Variants in CNTN4 observed in about 807,000 individuals in gnomAD.
CNTN4 encodes the protein contactin 4.
Under a neutral mutation model 122.5 loss-of-function variants are expected in CNTN4, and 77 were observed. The ratio of observed to expected loss-of-function variants is 0.63; its 90% CI spans 0.52 to 0.76. The LOEUF (loss-of-function observed/expected upper bound fraction) is 0.76, where lower values mean the gene tolerates loss of function less well. Ranked by LOEUF, CNTN4 falls within the 30% of genes least tolerant of loss-of-function variation. CNTN4 has a pLI of 0.00. For synonymous variants in CNTN4, 512 were observed against 447.0 expected (o/e 1.15, Z -1.83); for missense variants, 1,256 against 1,259.1 (o/e 1.00, Z 0.04).
At chr3:2,606,091 T>C (rs2081246059) in intron 4 of CNTN4, among the ~76,000 whole-genome samples, 1 of 151,930 alleles carries the variant, frequency 6.6e-6, no homozygotes, top group Non-Finnish European at 1.5e-5. Flanking sequence ...ATCCTAAGGC[T>C]TGGGTAATAG....
intron 6 of CNTN4, among the ~76,000 whole-genome samples, chr3:2,754,582 G>C (rs1224724191): frequency 6.6e-6 from 1 of 151,938 alleles, no homozygotes; most frequent in Non-Finnish European, 1.5e-5. Flanking sequence ...ATGTGTTAAG[G>C]GGAAGGGCAT....
At chr3:2,532,423 T>C (rs2149241626) in intron 3 of CNTN4, among the ~76,000 whole-genome samples, 1 of 152,196 alleles carries the variant, frequency 6.6e-6, no homozygotes, top group South Asian at 2.1e-4. Context: ...TCCATCTAAC[T>C]TATGACAGGT....
At chr3:2,555,599 C>T (rs1032024161) in intron 3 of CNTN4, among the ~76,000 whole-genome samples, 1 of 152,104 alleles carries the variant, frequency 6.6e-6, no homozygotes, top group African/African-American at 2.4e-5. Context: ...GCCTGGAGTT[C>T]ATCTAAGCTA....
intron 3 of CNTN4, among the ~76,000 whole-genome samples, chr3:2,422,054 C>T (rs967036147): frequency 1.4e-4 from 22 of 152,046 alleles, no homozygotes; most frequent in Non-Finnish European, 2.2e-4. Context: ...TTTATCTTTC[C>T]GTACTCAGAA....
chr3:2,906,972 A>T (rs928778981), intron 12 of CNTN4, among the ~76,000 whole-genome samples: 2 of 152,308 alleles, frequency 1.3e-5, no homozygotes, highest in South Asian at 4.1e-4. Context: ...CCCTTCCAAA[A>T]ATTCCCAGTA....
intron 6 of CNTN4, among the ~76,000 whole-genome samples, chr3:2,796,338 A>T (rs2092180212): frequency 6.6e-6 from 1 of 152,130 alleles, no homozygotes; most frequent in Non-Finnish European, 1.5e-5. Flanking sequence ...AAGTTGAAGC[A>T]CTCATCAGTA....
chr3:3,043,481 TGC>T (rs1700346353), intron 22 of CNTN4, 109 bp from the exon 23 acceptor site: 1 of 805,570 alleles, frequency 1.2e-6, no homozygotes, highest in South Asian at 1.4e-5. Context: ...CACATATTAG[TGC>T]AATAGCCCAT....
chr3:2,828,466 A>C (rs1328561785), intron 7 of CNTN4, among the ~76,000 whole-genome samples: 1 of 152,158 alleles, frequency 6.6e-6, no homozygotes, highest in Non-Finnish European at 1.5e-5. Flanking sequence ...ATGATGTTTA[A>C]AATGTTGGTT....
At chr3:2,574,791 A>C (rs954853673) in intron 4 of CNTN4, among the ~76,000 whole-genome samples, 2 of 152,150 alleles carry the variant, frequency 1.3e-5, no homozygotes, top group Admixed American at 6.5e-5. Flanking sequence ...ATGCCCCACT[A>C]AAATATTAAT....
At chr3:2,188,263 C>A (rs2037366671) in intron 2 of CNTN4, among the ~76,000 whole-genome samples, 1 of 152,088 alleles carries the variant, frequency 6.6e-6, no homozygotes, top group Non-Finnish European at 1.5e-5. Context: ...TTGAGAGGTC[C>A]CTAATAATTT....
At position 2,182,761 on chromosome 3, in the gene CNTN4, C is replaced by T. The variant is rs1029182753; in HGVS notation, c.-145+82122C>T. Among the ~76,000 whole-genome samples, 163 of 151,856 alleles carry T rather than the reference C, an allele frequency of 1.1e-3. 1 individual carries two copies. Among genetic ancestry groups the T allele is most frequent in the African/African-American group, 3.8e-3 (158 of 41,456 alleles). ...TGAAGCTATTTTCCAAGCAAAACTT[C>T]CGCATAAGTTTGTTTTTGTCTTGGT... is the stretch of plus-strand genomic sequence containing the variant. On this transcript the variant is annotated intron_variant, in intron 2 of 24. Coordinates refer to ENST00000418658, the MANE Select transcript of CNTN4 (RefSeq NM_175607.3).
Position 2,837,514 on chromosome 3 carries a change from C to T in CNTN4, c.454+17933C>T, listed in dbSNP as rs185034333. Among the ~76,000 whole-genome samples, 23 of 152,260 alleles carry T rather than the reference C, an allele frequency of 1.5e-4. No individual in the cohort carries two copies. The East Asian group carries it at 4.4e-3, about 29-fold the overall frequency. ...AAGTGTGCAGTGACGTGCATTTCAT[C>T]TGCACACAGCAACGGTCAGACTACT... On this transcript the variant is annotated intron_variant, in intron 7 of 24. Transcript: ENST00000418658.
intron 3 of CNTN4, among the ~76,000 whole-genome samples, chr3:2,521,343 T>TCGACCCCCCCCCCCCCC (rs781282977): frequency 1.6e-5 from 2 of 128,310 alleles, no homozygotes; most frequent in Non-Finnish European, 1.6e-5. Context: ...CCTCTACCCA[T>TCGACCCCCCCCCCCCCC]CCCCCCCACC....
At chr3:2,392,005 T>C (rs1430858745) in intron 3 of CNTN4, among the ~76,000 whole-genome samples, 3 of 152,182 alleles carry the variant, frequency 2.0e-5, no homozygotes, top group African/African-American at 7.2e-5. Context: ...GTTAGAATTA[T>C]TGTAGCTGCT....
intron 3 of CNTN4, among the ~76,000 whole-genome samples, chr3:2,426,591 A>T (rs2047842433): frequency 6.6e-6 from 1 of 152,102 alleles, no homozygotes; most frequent in African/African-American, 2.4e-5. Context: ...TCATAAAATG[A>T]GTTAGGGAGG....
intron 4 of CNTN4, among the ~76,000 whole-genome samples, chr3:2,646,555 A>G (rs2083128626): frequency 6.6e-6 from 1 of 152,192 alleles, no homozygotes; most frequent in South Asian, 2.1e-4. Context: ...TATCATTGTT[A>G]CCATGTTGAA....
chr3:2,929,449 C>A (rs1321685229), intron 13 of CNTN4, among the ~76,000 whole-genome samples: 2 of 152,156 alleles, frequency 1.3e-5, no homozygotes, highest in Non-Finnish European at 2.9e-5. Context: ...AGGAGCTATA[C>A]AACAATTGTA....
chr3:2,221,003 C>T (rs536072537), intron 2 of CNTN4, among the ~76,000 whole-genome samples: 16 of 152,166 alleles, frequency 1.1e-4, no homozygotes, highest in African/African-American at 3.6e-4. Context: ...ATGTAAGATT[C>T]GGACTGGGGC....
At chr3:3,051,284 T>C (rs1701243292) in intron 23 of CNTN4, among the ~76,000 whole-genome samples, 1 of 152,188 alleles carries the variant, frequency 6.6e-6, no homozygotes, top group Non-Finnish European at 1.5e-5. Flanking sequence ...CCCTAGATTA[T>C]ATCAAATGCA....
Sources: gnomAD v4.1 joint callset for allele counts (sites outside exome capture counted in the v4.1 genomes callset) on GRCh38, gnomAD v4.1.1 for gene constraint, MANE v1.5 for transcripts, NCBI Gene and HGNC (gene_info 2026-07-23, HGNC 2026-07-21) for gene names.